Variants in GRXCR1 observed in about 807,000 individuals in gnomAD.
The protein encoded by GRXCR1 is glutaredoxin and cysteine rich domain containing 1, also known as glutaredoxin domain-containing cysteine-rich protein 1.
GRXCR1 carries 27 observed loss-of-function variants against 27.3 expected under a neutral mutation model. The ratio of observed to expected loss-of-function variants is 0.99; its 90% CI spans 0.73 to 1.37. GRXCR1 has a LOEUF of 1.37. GRXCR1 is among the 40% of genes most tolerant of loss of function. GRXCR1 has a pLI of 0.00. For synonymous variants in GRXCR1, 122 were observed against 131.1 expected (o/e 0.93, Z 0.47); for missense variants, 379 against 354.4 (o/e 1.07, Z -0.56).
intron 1 of GRXCR1, among the ~76,000 whole-genome samples, chr4:42,932,617 TATAG>T (rs1328850635): frequency 1.7e-4 from 5 of 29,134 alleles, no homozygotes; most frequent in African/African-American, 2.4e-4. Flanking sequence ...TATATATATA[TATAG>T]AGAGAGAGAG....
intron 1 of GRXCR1, among the ~76,000 whole-genome samples, chr4:42,902,258 A>T (rs1303700135): frequency 1.3e-5 from 2 of 152,212 alleles, no homozygotes; most frequent in African/African-American, 2.4e-5. Context: ...AATATTATAC[A>T]TCAATAAAGT....
intron 2 of GRXCR1, among the ~76,000 whole-genome samples, chr4:43,009,136 C>T (rs1712654125): frequency 6.6e-6 from 1 of 152,184 alleles, no homozygotes; most frequent in African/African-American, 2.4e-5. Context: ...GAATACCAGG[C>T]TTTGTTCTTA....
intron 1 of GRXCR1, among the ~76,000 whole-genome samples, chr4:42,934,450 A>T (rs1747409875): frequency 6.6e-6 from 1 of 151,756 alleles, no homozygotes; most frequent in Non-Finnish European, 1.5e-5. Context: ...ATGCTTGAAC[A>T]CATGGATTAG....
At chr4:42,954,590 A>C (rs1747956129) in intron 1 of GRXCR1, among the ~76,000 whole-genome samples, 1 of 152,148 alleles carries the variant, frequency 6.6e-6, no homozygotes, top group Non-Finnish European at 1.5e-5. Flanking sequence ...TGAAAAGTGC[A>C]TATGTAGAGT....
intron 2 of GRXCR1, among the ~76,000 whole-genome samples, chr4:43,018,557 C>G (rs1713003161): frequency 6.6e-6 from 1 of 152,094 alleles, no homozygotes; most frequent in South Asian, 2.1e-4. Flanking sequence ...GCGTTGTACT[C>G]TAAACAACTG....
intron 2 of GRXCR1, among the ~76,000 whole-genome samples, chr4:43,014,086 C>G (rs1712855991): frequency 6.7e-6 from 1 of 149,284 alleles, no homozygotes; most frequent in Admixed American, 6.7e-5. Context: ...ACTAGTTTAG[C>G]TAATTTTGCA....
At chr4:42,924,085 A>T (rs76930400) in intron 1 of GRXCR1, among the ~76,000 whole-genome samples, 2 of 152,230 alleles carry the variant, frequency 1.3e-5, no homozygotes, top group East Asian at 3.9e-4. Context: ...AAAGCAATAG[A>T]CAGCAAGATG....
intron 1 of GRXCR1, among the ~76,000 whole-genome samples, chr4:42,908,558 G>T (rs1746648626): frequency 6.6e-6 from 1 of 152,144 alleles, no homozygotes; most frequent in South Asian, 2.1e-4. Context: ...TTAGCCTGCA[G>T]CTATTGCAAA....
chr4:42,936,424 C>T (rs905244702), intron 1 of GRXCR1, among the ~76,000 whole-genome samples: 2 of 151,614 alleles, frequency 1.3e-5, no homozygotes, highest in Admixed American at 1.3e-4. Context: ...GGCCTTTTGC[C>T]TTTTAAAGAA....
intron 1 of GRXCR1, among the ~76,000 whole-genome samples, chr4:42,899,309 G>T (rs183984799): frequency 6.6e-6 from 1 of 151,896 alleles, no homozygotes; most frequent in African/African-American, 2.4e-5. Context: ...CATATCTACC[G>T]TGAGACAAAA....
intron 2 of GRXCR1, among the ~76,000 whole-genome samples, chr4:42,994,933 G>C (rs1712095453): frequency 6.6e-6 from 1 of 152,028 alleles, no homozygotes; most frequent in African/African-American, 2.4e-5. Context: ...TAATATTACT[G>C]TCTTAAATAC....
intron 1 of GRXCR1, among the ~76,000 whole-genome samples, chr4:42,923,710 C>A (rs766751018): frequency 6.6e-6 from 1 of 152,018 alleles, no homozygotes; most frequent in Non-Finnish European, 1.5e-5. Context: ...CCCACAAAAA[C>A]CAAATCCTCA....
chr4:43,002,620 A>G (rs1471479163), intron 2 of GRXCR1, among the ~76,000 whole-genome samples: 1 of 152,198 alleles, frequency 6.6e-6, no homozygotes, highest in African/African-American at 2.4e-5. Flanking sequence ...CCCTTTCTAC[A>G]TAGACACAGT....
intron 2 of GRXCR1, among the ~76,000 whole-genome samples, chr4:42,981,705 T>C (rs1161623992): frequency 6.6e-6 from 1 of 152,200 alleles, no homozygotes; most frequent in African/African-American, 2.4e-5. Flanking sequence ...TATAGTATTC[T>C]TGGTTGACAG....
intron 1 of GRXCR1, among the ~76,000 whole-genome samples, chr4:42,956,525 C>A (rs952078634): frequency 6.6e-6 from 1 of 151,810 alleles, no homozygotes; most frequent in Non-Finnish European, 1.5e-5. Flanking sequence ...GAGAAATCAT[C>A]CAACTTATCA....
Position 42,986,913 on chromosome 4 carries a change from T to C in GRXCR1, c.627+23779T>C, listed in dbSNP as rs530902294. Among the ~76,000 whole-genome samples, 222 of 151,684 alleles carry C rather than the reference T, an allele frequency of 1.5e-3. 6 individuals carry two copies. In the South Asian group the frequency reaches 0.044, roughly 30 times the overall value. ...AAGCCAAACAGTCACCGAACAAACA[T>C]TGAGTACCTTCTGTGCGATGTTCTA... is the stretch of plus-strand genomic sequence containing the variant. On this transcript the variant is annotated intron_variant, in intron 2 of 3. Transcript: ENST00000399770.
intron 1 of GRXCR1, among the ~76,000 whole-genome samples, chr4:42,902,483 G>A (rs182822876): frequency 6.6e-6 from 1 of 152,146 alleles, no homozygotes; most frequent in African/African-American, 2.4e-5. Flanking sequence ...TGGCTGCATA[G>A]TATTCCATGG....
chr4:42,979,211 C>T (rs1018269884), intron 2 of GRXCR1, among the ~76,000 whole-genome samples: 1 of 151,976 alleles, frequency 6.6e-6, no homozygotes, highest in Admixed American at 6.6e-5. Flanking sequence ...CTAGGATTTC[C>T]AGTACTATGT....
chr4:42,908,598 C>T (rs776896259), intron 1 of GRXCR1, among the ~76,000 whole-genome samples: 6 of 152,156 alleles, frequency 3.9e-5, no homozygotes, highest in Non-Finnish European at 7.3e-5. Flanking sequence ...CTACTCAAAA[C>T]AAGTAATCTT....
Sources: allele counts gnomAD v4.1 joint callset (sites outside exome capture counted in the v4.1 genomes callset), GRCh38; gene constraint gnomAD v4.1.1; transcripts MANE v1.5; gene names NCBI Gene and HGNC (gene_info 2026-07-23, HGNC 2026-07-21).